Variants in CBARP observed in about 807,000 individuals in gnomAD.
CBARP encodes the protein voltage-dependent calcium channel beta subunit-associated regulatory protein.
A neutral mutation model predicts 36.3 loss-of-function variants in CBARP; 24 were observed. The ratio of observed to expected loss-of-function variants is 0.66; its 90% CI spans 0.48 to 0.93. The LOEUF is 0.93. Ranked by LOEUF, CBARP falls within the 40% of genes least tolerant of loss-of-function variation. The probability of loss-of-function intolerance (pLI) is 0.00; values close to 1 mark genes in which losing one functional copy is unlikely to be tolerated. For missense variants in CBARP, 1,146 were observed against 980.4 expected (o/e 1.17, Z -2.26); for synonymous variants, 586 against 453.2 (o/e 1.29, Z -3.72).
In CBARP at chr19:1,229,557, C is replaced by T. The variant is rs1208394121; in HGVS notation, c.1740G>A (p.Gln580=). 12 of 1,025,706 alleles carry T rather than the reference C, an allele frequency of 1.2e-5. No individual in the cohort carries two copies. Among genetic ancestry groups the T allele is most frequent in the Non-Finnish European group, 1.4e-5 (12 of 849,274 alleles). The allele number at this position is 1,025,706 out of a possible 1,614,324, so 63.5% of individuals were successfully genotyped here. A position where few individuals can be genotyped will look rare whatever the true frequency, so the allele number is the denominator to read the frequency against. ...CGCTGTGCTGCCGGCCACGCTGCCACTGTTTGCGGGCGTGCGGGTGCGCGC... is the reference window on the plus strand; with the variant it reads ...CGCTGTGCTGCCGGCCACGCTGCCATTGTTTGCGGGCGTGCGGGTGCGCGC... ...RARAHPHARK[Q]WQRGRQHSDP... The change falls in exon 10 of 10, where the codon CAG becomes CAA. Residue 580 remains glutamine, a synonymous_variant. Coordinates refer to ENST00000650044, the MANE Select transcript of CBARP (RefSeq NM_001393918.1). The surrounding 1 kb of genome is among the most constrained non-coding windows in gnomAD (Gnocchi z 5.1).
chr19:1,228,890 GC>G lies in CBARP; in HGVS notation c.*288del, dbSNP rs970830236. ...GAGCCCGAAGCTGAGAGCCGTTCAC[GC>G]CCCTTCCTTCCCGCCCAGCCGGGGT... On this transcript the variant is annotated 3_prime_UTR_variant, in exon 10 of 10. Transcript: ENST00000650044. 17 of 147,848 alleles carry G rather than the reference GC, an allele frequency of 1.1e-4. No individual in the cohort carries two copies. The highest frequency in any genetic ancestry group is 3.4e-4 in the African/African-American group (14 of 41,046). 9.2% of individuals were successfully genotyped at this position (147,848 alleles called of 1,614,324 possible).
chr19:1,233,122 A>G (rs1039837246), intron 8 of CBARP, among the ~76,000 whole-genome samples: 13 of 152,012 alleles, frequency 8.6e-5, no homozygotes, highest in African/African-American at 3.1e-4. Flanking sequence ...GGCCCCCGAC[A>G]CCCTCCTTTA....
chr19:1,230,173 GC>G (rs1388250036), intron 9 of CBARP, 31 bp from the exon 10 acceptor site: 1 of 997,884 alleles, frequency 1.0e-6, no homozygotes, highest in Non-Finnish European at 1.2e-6. Flanking sequence ...TCAGAGCCCC[GC>G]CGAGCCCCGC....
chr19:1,231,045 A>G, intron 9 of CBARP, 56 bp downstream of exon 9: 1 of 1,558,448 alleles, frequency 6.4e-7, no homozygotes, highest in Non-Finnish European at 8.7e-7. Context: ...GGGGGGGGCG[A>G]AGGGGGGCAA....
At chr19:1,234,919 C>T (rs1207234625) in intron 5 of CBARP, 82 bp downstream of exon 5, 1 of 1,528,082 alleles carries the variant, frequency 6.5e-7, no homozygotes, top group African/African-American at 1.4e-5. Context: ...TCCCTGCAGC[C>T]TCCGCACCCA....
intron 7 of CBARP, among the ~76,000 whole-genome samples, chr19:1,233,934 G>A (rs1437639532): frequency 1.3e-5 from 2 of 152,188 alleles, no homozygotes; most frequent in Non-Finnish European, 2.9e-5. Flanking sequence ...GGGAGGGCAG[G>A]GGTGGCGCAC....
chr19:1,238,273 T>A (rs988245514), upstream of CBARP: 3 of 152,170 alleles, frequency 2.0e-5, no homozygotes, highest in Non-Finnish European at 4.4e-5. Context: ...GGGCACGGAC[T>A]CCCCTCTCAC....
chr19:1,236,209 C>G, intron 1 of CBARP, 88 bp from the exon 2 acceptor site: 1 of 1,339,106 alleles, frequency 7.5e-7, no homozygotes, highest in Non-Finnish European at 9.5e-7. Flanking sequence ...CCTGCAGGAG[C>G]AGGAGCCCAC....
rs760058045 is a variant in CBARP at position 1,234,830 on chromosome 19, G to C, written c.456-88C>G. The C allele has an allele frequency of 2.5e-5, 38 of 1,529,750 alleles. No individual in the cohort carries two copies. In the African/African-American group the frequency reaches 4.9e-4, roughly 20 times the overall value. The allele number at this position is 1,529,750 out of a possible 1,614,324, so 94.8% of individuals were successfully genotyped here. On this transcript the variant is annotated intron_variant, in intron 5 of 9. Coordinates refer to ENST00000650044, the MANE Select transcript of CBARP (RefSeq NM_001393918.1). The stretch of plus-strand genomic sequence containing the variant: ...GCTCTGCCATCCACCCTGCCGGCCT[G>C]GGCAGGGGCAGGCGAAAGGGGGGCA...
chr19:1,231,059 C>G (rs755130689), intron 9 of CBARP, 42 bp downstream of exon 9: 1 of 1,571,894 alleles, frequency 6.4e-7, no homozygotes, highest in Admixed American at 1.8e-5. Context: ...GGGGCAAGGG[C>G]CCACAGGTCC....
At chr19:1,237,114 C>T (rs1267872255) in intron 1 of CBARP, among the ~76,000 whole-genome samples, 7 of 152,186 alleles carry the variant, frequency 4.6e-5, no homozygotes, top group Admixed American at 6.5e-5. Context: ...CGCGCGAGAC[C>T]TTTCCCGGAG....
rs764939260 is a variant in CBARP, at chr19:1,231,048, G to C, written c.1154+53C>G. On this transcript the variant is annotated intron_variant, in intron 9 of 9. Transcript: ENST00000650044. ...CTGGGCCGCCTAGGGGGGGGCGAAG[G>C]GGGGCAAGGGCCCACAGGTCCACCC... 1.4e-5 allele frequency: 22 copies of C among 1,561,196 alleles called. No individual in the cohort carries two copies. In the South Asian group the frequency reaches 1.9e-4, roughly 13 times the overall value.
At position 1,231,241 on chromosome 19, in the gene CBARP, C is replaced by G. The variant is rs764157694; in HGVS notation, c.1014G>C (p.Arg338=). ...SPKRHHFQRQ[R]AASESTEQEE... ...CCTGCTCCGTGCTCTCACTGGCTGCCCGCTGCCGCTGGAAGTGGTGCCGCT... is the reference window on the plus strand; with the variant it reads ...CCTGCTCCGTGCTCTCACTGGCTGCGCGCTGCCGCTGGAAGTGGTGCCGCT... Residue 338 remains arginine, a synonymous_variant, in exon 9 of 10, where the codon CGG becomes CGC. Coordinates refer to ENST00000650044, the MANE Select transcript of CBARP (RefSeq NM_001393918.1). The G allele has an allele frequency of 6.2e-7, 1 of 1,602,008 alleles. No individual in the cohort carries two copies. Among genetic ancestry groups the G allele is most frequent in the Non-Finnish European group, 8.5e-7 (1 of 1,179,564 alleles).
In CBARP at chr19:1,229,582, C is replaced by A; in HGVS notation, c.1715G>T (p.Arg572Leu). 1 of 1,166,804 alleles carries A rather than the reference C, an allele frequency of 8.6e-7. No individual in the cohort carries two copies. The highest frequency in any genetic ancestry group is 1.1e-6 in the Non-Finnish European group (1 of 931,618). The allele number at this position is 1,166,804 out of a possible 1,614,324, so 72.3% of individuals were successfully genotyped here. A position where few individuals can be genotyped will look rare whatever the true frequency, so the allele number is the denominator to read the frequency against. The change falls in exon 10 of 10, where the codon CGC (arginine) becomes CTC (leucine). Residue 572 changes from arginine to leucine, a missense_variant. Coordinates refer to ENST00000650044, the MANE Select transcript of CBARP (RefSeq NM_001393918.1). The surrounding 1 kb of genome is among the most constrained non-coding windows in gnomAD (Gnocchi z 5.1). ...CTGTTTGCGGGCGTGCGGGTGCGCG[C>A]GGGCGCGGTGTCGCGCGGCAGCCGG... ...DTPAAARHRA[R>L]AHPHARKQWQ...
At chr19:1,232,528 CA>C (rs1265091393) in intron 8 of CBARP, among the ~76,000 whole-genome samples, 4 of 152,196 alleles carry the variant, frequency 2.6e-5, no homozygotes. Context: ...GCTGGCTGAG[CA>C]GGGCTGGTGC....
In CBARP at chr19:1,235,099, G is replaced by T; in HGVS notation, c.357C>A (p.Thr119=). ...TGGAGCTGGTGGACAGGAAGCGTTCGGTCTCCGCATCCTGGCACTCGGGGT... is the reference window on the plus strand; with the variant it reads ...TGGAGCTGGTGGACAGGAAGCGTTCTGTCTCCGCATCCTGGCACTCGGGGT... ...GEDPECQDAE[T]ERFLSTSSTG... The change falls in exon 5 of 10, where the codon ACC becomes ACA. Residue 119 remains threonine, a synonymous_variant. Transcript: ENST00000650044. The T allele has an allele frequency of 6.2e-7, 1 of 1,606,368 alleles. No homozygotes were observed. The highest frequency in any genetic ancestry group is 8.5e-7 in the Non-Finnish European group (1 of 1,177,056).
intron 4 of CBARP, 42 bp downstream of exon 4, chr19:1,235,459 G>C (rs2080955511): frequency 6.5e-7 from 1 of 1,531,092 alleles, no homozygotes; most frequent in South Asian, 1.2e-5. Context: ...CCGAGGGGCG[G>C]ATGGACAGGC....
In CBARP at chr19:1,234,204, C is replaced by T. The variant is rs375306397; in HGVS notation, c.755G>A (p.Gly252Glu). Residue 252 changes from glycine (G) to glutamate (E), a missense_variant, in exon 7 of 10, where the codon GGG (glycine) becomes GAG (glutamate). Physicochemically the swap from Gly to Glu is moderately conservative, Grantham distance 98. Coordinates refer to ENST00000650044, the MANE Select transcript of CBARP (RefSeq NM_001393918.1). ...AGGGGCCCTCACCGAGGTGCCTTCC[C>T]CAGAGTCGCTAGATGCCGAGGGGCT... is the stretch of plus-strand genomic sequence containing the variant. ...EISPSASSDS[G>E]EGTSLDAGTR... The T allele has an allele frequency of 4.9e-4, 743 of 1,523,688 alleles. No individual in the cohort carries two copies. The highest frequency in any genetic ancestry group is 5.9e-4 in the Non-Finnish European group (675 of 1,140,138). 94.4% of individuals were successfully genotyped at this position (1,523,688 alleles called of 1,614,324 possible). A position where few individuals can be genotyped will look rare whatever the true frequency, so the allele number is the denominator to read the frequency against.
chr19:1,234,546 C>T (rs2080936994), intron 6 of CBARP, 25 bp downstream of exon 6: 7 of 1,580,170 alleles, frequency 4.4e-6, no homozygotes, highest in Non-Finnish European at 5.2e-6. Context: ...CCCCGAGGAA[C>T]CGGGGCTGCT....
Sources: allele counts gnomAD v4.1 joint callset (sites outside exome capture counted in the v4.1 genomes callset), GRCh38; gene constraint gnomAD v4.1.1; non-coding constraint Gnocchi (gnomAD v3.1); transcripts MANE v1.5; gene names NCBI Gene and HGNC (gene_info 2026-07-23, HGNC 2026-07-21).